Variants in ANKRD11 observed in about 807,000 individuals in gnomAD.
The protein encoded by ANKRD11 is ankyrin repeat domain-containing protein 11.
In ANKRD11, 17 loss-of-function variants were observed where a neutral mutation model predicts 195.7. The observed-to-expected ratio is 0.09, with a 90% CI of 0.06 to 0.13. ANKRD11 has a LOEUF of 0.13. ANKRD11 is among the 10% of genes least tolerant of loss of function. The pLI is 1.00. For missense variants in ANKRD11, 3,735 were observed against 3,566.1 expected, an observed-to-expected ratio of 1.05 and a Z score of -1.21; for synonymous variants, 1,953 against 1,528.1, an observed-to-expected ratio of 1.28 and a Z score of -6.49.
chr16:89,278,585 C>G, intron 9 of ANKRD11: 2 of 457,504 alleles, frequency 4.4e-6, no homozygotes, highest in Non-Finnish European at 4.4e-6. Context: ...CCCAAGGGAG[C>G]TGCAGCTCTG....
chr16:89,287,806 C>T, intron 7 of ANKRD11: 1 of 215,006 alleles, frequency 4.7e-6, no homozygotes, highest in Non-Finnish European at 9.2e-6. Flanking sequence ...GCACTGTGGG[C>T]TCCAGGACCT....
At chr16:89,313,177 A>G (rs1165323334) in intron 3 of ANKRD11, 3 of 875,234 alleles carry the variant, frequency 3.4e-6, no homozygotes, top group Non-Finnish European at 4.6e-6. Context: ...CCACCAAGTG[A>G]AGCTCAGGGG....
intron 2 of ANKRD11, among the ~76,000 whole-genome samples, chr16:89,366,151 A>G (rs1419939816): frequency 6.6e-6 from 1 of 150,606 alleles, no homozygotes; most frequent in Non-Finnish European, 1.5e-5. Context: ...AAAAAAAAAA[A>G]GACATGATCT....
chr16:89,284,138 GTTTTTC>G lies in ANKRD11; in HGVS notation c.2398_2403del (p.Glu800_Lys801del), dbSNP rs1567577771. ...TCCCTATAAACCTTTTCTTTTTTGAGTTTTTCTTTATCTTCTTTAAAAATCTTCTCC... is the reference window on the plus strand; with the variant it reads ...TCCCTATAAACCTTTTCTTTTTTGAGTTTATCTTCTTTAAAAATCTTCTCC... On this transcript the variant is annotated inframe_deletion, in exon 9 of 13. Coordinates refer to ENST00000301030, the MANE Select transcript of ANKRD11 (RefSeq NM_013275.6). 6.2e-7 allele frequency: 1 copy of G among 1,606,496 alleles called. No homozygotes were observed. The highest frequency in any genetic ancestry group is 2.2e-5 in the East Asian group (1 of 44,848).
chr16:89,371,876 G>A (rs1597818373), intron 2 of ANKRD11, among the ~76,000 whole-genome samples: 2 of 152,348 alleles, frequency 1.3e-5, no homozygotes, highest in South Asian at 2.1e-4. Context: ...GGTAGACCTG[G>A]TGACCGTGTG....
At chr16:89,315,536 G>GT (rs1567631496) in intron 3 of ANKRD11, among the ~76,000 whole-genome samples, 1 of 151,532 alleles carries the variant, frequency 6.6e-6, no homozygotes, top group East Asian at 1.9e-4. Context: ...TCACACACAC[G>GT]TGTGTCCCCG....
intron 6 of ANKRD11, chr16:89,289,087 A>G (rs544863075): frequency 3.5e-6 from 1 of 285,896 alleles, no homozygotes; most frequent in Admixed American, 4.9e-5. Context: ...CTGAAGGCTG[A>G]AGAGCTGCTA....
chr16:89,471,269 G>A (rs1032916103), intron 1 of ANKRD11, among the ~76,000 whole-genome samples: 1 of 152,102 alleles, frequency 6.6e-6, no homozygotes, highest in Admixed American at 6.6e-5. Context: ...AAATTCTAGC[G>A]ATTTCCAAAT....
At position 89,291,741 on chromosome 16, in the gene ANKRD11, C is replaced by G; in HGVS notation, c.227-558G>C. 1 of 1,289,862 alleles carries G rather than the reference C, an allele frequency of 7.8e-7. No individual in the cohort carries two copies. Among genetic ancestry groups the G allele is most frequent in the East Asian group, 5.5e-5 (1 of 18,026 alleles). The allele number at this position is 1,289,862 out of a possible 1,614,324, so 79.9% of individuals were successfully genotyped here. Reference sequence around the variant, plus strand: ...CATGGTGCTTCGAGGAGCGTACCAGCCTTGCAGCACCACAACAGGGACTGG... The same window carrying G: ...CATGGTGCTTCGAGGAGCGTACCAGGCTTGCAGCACCACAACAGGGACTGG... On this transcript the variant is annotated intron_variant, in intron 4 of 12. Coordinates refer to ENST00000301030, the MANE Select transcript of ANKRD11 (RefSeq NM_013275.6). The surrounding 1 kb of genome is among the most constrained non-coding windows in gnomAD (Gnocchi z 5.3).
At chr16:89,345,436 G>A (rs549587707) in intron 2 of ANKRD11, among the ~76,000 whole-genome samples, 27 of 152,302 alleles carry the variant, frequency 1.8e-4, no homozygotes, top group Non-Finnish European at 2.9e-4. Flanking sequence ...AGGCAGTCCC[G>A]TCCATTCCTC....
At chr16:89,348,751 T>A (rs188574626) in intron 2 of ANKRD11, among the ~76,000 whole-genome samples, 1 of 152,292 alleles carries the variant, frequency 6.6e-6, no homozygotes, top group East Asian at 1.9e-4. Flanking sequence ...CAAATTCCCT[T>A]ATTGTACTTT....
At chr16:89,443,707 A>C (rs2043638367) in intron 1 of ANKRD11, among the ~76,000 whole-genome samples, 1 of 152,230 alleles carries the variant, frequency 6.6e-6, no homozygotes, top group South Asian at 2.1e-4. Context: ...AATTCTTAAG[A>C]GCGGGAACAC....
At chr16:89,368,894 G>C (rs1176220733) in intron 2 of ANKRD11, among the ~76,000 whole-genome samples, 1 of 152,102 alleles carries the variant, frequency 6.6e-6, no homozygotes, top group Non-Finnish European at 1.5e-5. Flanking sequence ...GAAAGACTCT[G>C]TTTCCAAAAA....
At chr16:89,425,311 G>A (rs2042673395) in intron 1 of ANKRD11, among the ~76,000 whole-genome samples, 1 of 152,096 alleles carries the variant, frequency 6.6e-6, no homozygotes, top group South Asian at 2.1e-4. Flanking sequence ...TGGCTCCAGT[G>A]CCCACACTCT....
chr16:89,346,522 C>T (rs576288755), intron 2 of ANKRD11, among the ~76,000 whole-genome samples: 1 of 152,332 alleles, frequency 6.6e-6, no homozygotes, highest in Non-Finnish European at 1.5e-5. Context: ...GACAACTACA[C>T]CACACGCCTA....
intron 1 of ANKRD11, among the ~76,000 whole-genome samples, chr16:89,442,915 C>T (rs1442501542): frequency 6.6e-6 from 1 of 152,232 alleles, no homozygotes; most frequent in Non-Finnish European, 1.5e-5. Context: ...CAGCACCCAG[C>T]CTCTGCCTCT....
At chr16:89,278,108 T>TGTGAGTGGAGTCGCGTGGTCTGG (rs1262036533) in intron 9 of ANKRD11, 1 of 231,624 alleles carries the variant, frequency 4.3e-6, no homozygotes, top group South Asian at 5.3e-5. Context: ...CTAGGCACAG[T>TGTGAGTGGAGTCGCGTGGTCTGG]GTGAGTGGAG....
chr16:89,382,335 A>T lies in ANKRD11; in HGVS notation c.-60+35949T>A, dbSNP rs565069927. Among the ~76,000 whole-genome samples, 249 of 151,350 alleles carry T rather than the reference A, an allele frequency of 1.6e-3. 1 individual carries two copies. The highest frequency in any genetic ancestry group is 3.5e-3 in the East Asian group (18 of 5,156). On this transcript the variant is annotated intron_variant, in intron 2 of 12. Transcript: ENST00000301030. ...GAAGTCTAGAAATATATATATATAT[A>T]TTTTTTTAAAGACAGAGTCTCGTTC...
rs1227250682 is a variant in ANKRD11, at chr16:89,339,376, C to G, written c.-59-22298G>C. ...ACTAGCAAACAAACAAACAAACAAA[C>G]AAACAAAGAGAAACCAAGAACTGGG... On this transcript the variant is annotated intron_variant, in intron 2 of 12. Coordinates refer to ENST00000301030, the MANE Select transcript of ANKRD11 (RefSeq NM_013275.6). 3.3e-5 allele frequency among the ~76,000 whole-genome samples: 5 copies of G among 150,950 alleles called. No homozygotes were observed. In the East Asian group the frequency reaches 7.7e-4, roughly 23 times the overall value.
Sources: allele counts gnomAD v4.1 joint callset (sites outside exome capture counted in the v4.1 genomes callset), GRCh38; gene constraint gnomAD v4.1.1; non-coding constraint Gnocchi (gnomAD v3.1); transcripts MANE v1.5; gene names NCBI Gene and HGNC (gene_info 2026-07-23, HGNC 2026-07-21).